Variants in GIMD1 observed in about 807,000 individuals in gnomAD.
GIMD1 encodes the protein GIMAP family P-loop NTPase domain containing 1.
A neutral mutation model predicts 14.9 loss-of-function variants in GIMD1; 14 were observed. The ratio of observed to expected loss-of-function variants is 0.94; its 90% CI spans 0.62 to 1.47. GIMD1 has a LOEUF of 1.47. Among genes scored for constraint, GIMD1 ranks in the 40% most tolerant of loss-of-function variants. The probability of loss-of-function intolerance (pLI) is 0.00; values close to 1 mark genes in which losing one functional copy is unlikely to be tolerated. For synonymous variants in GIMD1, 91 were observed against 90.5 expected (o/e 1.01, Z -0.03); for missense variants, 272 against 255.3 (o/e 1.07, Z -0.44).
intron 2 of GIMD1, among the ~76,000 whole-genome samples, chr4:106,362,625 A>AATCATAGC: frequency 6.6e-6 from 1 of 152,208 alleles, no homozygotes; most frequent in South Asian, 2.1e-4. Flanking sequence ...TGGTTGATGA[A>AATCATAGC]ATCATAGCAT....
chr4:106,359,056 C>T (rs776401454), intron 2 of GIMD1, among the ~76,000 whole-genome samples: 1 of 151,832 alleles, frequency 6.6e-6, no homozygotes, highest in Non-Finnish European at 1.5e-5. Flanking sequence ...TGATGACTTC[C>T]TCTAATGTGG....
At chr4:106,364,035 A>T (rs981411503) in intron 2 of GIMD1, among the ~76,000 whole-genome samples, 8 of 152,142 alleles carry the variant, frequency 5.3e-5, no homozygotes, top group African/African-American at 1.9e-4. Flanking sequence ...ATGAGATTCC[A>T]GATAATATTT....
chr4:106,360,467 A>G (rs913770655), intron 2 of GIMD1, among the ~76,000 whole-genome samples: 1 of 152,022 alleles, frequency 6.6e-6, no homozygotes, highest in Admixed American at 6.6e-5. Context: ...AGACCTCTTT[A>G]GAGTTTGTTG....
In GIMD1 at chr4:106,358,266, G is replaced by C; in HGVS notation, c.571C>G (p.Leu191Val). The change falls in exon 3 of 3, where the codon CTC (leucine) becomes GTC (valine). Residue 191 changes from leucine (L) to valine (V), a missense_variant. Physicochemically the swap from Leu to Val is conservative, Grantham distance 32. Transcript: ENST00000638719. ...AAGATTTTCATTCTTTGTTCATTGA[G>C]TGATTTTCCTTTTTTGTACTGGAAA... ...YVFQYKKGKS[L>V]NEQRMKILER... The C allele has an allele frequency of 1.3e-6, 2 of 1,528,306 alleles. No homozygotes were observed. Among genetic ancestry groups the C allele is most frequent in the Admixed American group, 2.0e-5 (1 of 50,610 alleles). The allele number at this position is 1,528,306 out of a possible 1,614,324, so 94.7% of individuals were successfully genotyped here.
At chr4:106,363,853 T>C (rs1420119600) in intron 2 of GIMD1, among the ~76,000 whole-genome samples, 2 of 135,370 alleles carry the variant, frequency 1.5e-5, no homozygotes, top group East Asian at 2.6e-4. Context: ...GAAACTTGCT[T>C]GTACGCAGTA....
At chr4:106,368,002 T>C (rs527774439) in intron 1 of GIMD1, among the ~76,000 whole-genome samples, 6 of 152,306 alleles carry the variant, frequency 3.9e-5, no homozygotes, top group African/African-American at 1.4e-4. Context: ...TTCTTTCCTA[T>C]GAAATATGAA....
In GIMD1 at chr4:106,367,451, A is replaced by C; in HGVS notation, c.-2-14T>G. 1 of 1,515,180 alleles carries C rather than the reference A, an allele frequency of 6.6e-7. No homozygotes were observed. The highest frequency in any genetic ancestry group is 8.8e-7 in the Non-Finnish European group (1 of 1,134,370). 93.9% of individuals were successfully genotyped at this position (1,515,180 alleles called of 1,614,324 possible). On this transcript the variant is annotated splice_polypyrimidine_tract_variant and intron_variant, in intron 1 of 2. Coordinates refer to ENST00000638719, the MANE Select transcript of GIMD1 (RefSeq NM_001195138.2). ...GGTCTGTCATGGCTGTAGGAAAACAAAGGCATAGCACGCATAATTAGGCTT... is the reference window on the plus strand; with the variant it reads ...GGTCTGTCATGGCTGTAGGAAAACACAGGCATAGCACGCATAATTAGGCTT...
At chr4:106,363,114 C>T (rs1227238232) in intron 2 of GIMD1, among the ~76,000 whole-genome samples, 1 of 152,048 alleles carries the variant, frequency 6.6e-6, no homozygotes, top group African/African-American at 2.4e-5. Flanking sequence ...TGATTTTACT[C>T]TTATTTTCTT....
intron 2 of GIMD1, among the ~76,000 whole-genome samples, chr4:106,361,919 G>T (rs528646410): frequency 6.6e-6 from 1 of 152,158 alleles, no homozygotes; most frequent in African/African-American, 2.4e-5. Flanking sequence ...TTCTTTCTAG[G>T]TTAGTACTTA....
chr4:106,358,574 T>C (rs939347144), intron 2 of GIMD1, 131 bp from the exon 3 acceptor site: 42 of 651,720 alleles, frequency 6.4e-5, no homozygotes, highest in Non-Finnish European at 6.0e-5. Flanking sequence ...TGATATACAA[T>C]GTAGGAAATG....
chr4:106,363,588 A>AGAACT (rs1455035746), intron 2 of GIMD1, among the ~76,000 whole-genome samples: 3 of 152,164 alleles, frequency 2.0e-5, no homozygotes, highest in Non-Finnish European at 4.4e-5. Flanking sequence ...TATAATGCTC[A>AGAACT]GAACTCTTAA....
intron 2 of GIMD1, 87 bp downstream of exon 2, chr4:106,366,956 A>ATT (rs1192144571): frequency 1.3e-4 from 47 of 349,886 alleles, no homozygotes; most frequent in Non-Finnish European, 1.6e-4. Flanking sequence ...TAATAATAAT[A>ATT]ATATTATTAT....
rs907198409 is a variant in GIMD1 at position 106,368,776 on chromosome 4, T to A, written c.-69A>T. ...TCGCCCTGGCACAGTTGTTCTTTCATATGAACTTTCACCTTCTGATAGCGT... is the reference window on the plus strand; with the variant it reads ...TCGCCCTGGCACAGTTGTTCTTTCAAATGAACTTTCACCTTCTGATAGCGT... On this transcript the variant is annotated 5_prime_UTR_variant, in exon 1 of 3. It removes an upstream start codon present in the reference 5' UTR. Coordinates refer to ENST00000638719, the MANE Select transcript of GIMD1 (RefSeq NM_001195138.2). 43 of 398,384 alleles carry A rather than the reference T, an allele frequency of 1.1e-4. No homozygotes were observed. Among genetic ancestry groups the A allele is most frequent in the Non-Finnish European group, 9.3e-5 (21 of 225,986 alleles). 24.7% of individuals were successfully genotyped at this position (398,384 alleles called of 1,614,324 possible). A position where few individuals can be genotyped will look rare whatever the true frequency, so the allele number is the denominator to read the frequency against.
At chr4:106,363,207 C>T (rs1039061735) in intron 2 of GIMD1, among the ~76,000 whole-genome samples, 1 of 152,058 alleles carries the variant, frequency 6.6e-6, no homozygotes, top group Non-Finnish European at 1.5e-5. Flanking sequence ...ATAATAATGG[C>T]CAGAGCTATT....
At chr4:106,367,476 T>C (rs1461487910) in intron 1 of GIMD1, 39 bp from the exon 2 acceptor site, 11 of 1,467,382 alleles carry the variant, frequency 7.5e-6, no homozygotes, top group South Asian at 2.7e-5. Context: ...TAATTAGGCT[T>C]CTACATTCCC....
chr4:106,358,672 C>G (rs148730026), intron 2 of GIMD1, among the ~76,000 whole-genome samples: 1 of 151,800 alleles, frequency 6.6e-6, no homozygotes, highest in East Asian at 1.9e-4. Flanking sequence ...TAAATTCTCT[C>G]TTTTATTTTA....
At chr4:106,364,478 T>G (rs1276620651) in intron 2 of GIMD1, among the ~76,000 whole-genome samples, 1 of 152,158 alleles carries the variant, frequency 6.6e-6, no homozygotes, top group African/African-American at 2.4e-5. Flanking sequence ...ATTCAGACAC[T>G]CTGCAACAGC....
At chr4:106,364,198 T>C (rs1770658481) in intron 2 of GIMD1, among the ~76,000 whole-genome samples, 1 of 152,100 alleles carries the variant, frequency 6.6e-6, no homozygotes, top group African/African-American at 2.4e-5. Context: ...ATATAACTCC[T>C]CTGCAAAATA....
At chr4:106,368,259 C>A (rs1207170231) in intron 1 of GIMD1, among the ~76,000 whole-genome samples, 1 of 152,070 alleles carries the variant, frequency 6.6e-6, no homozygotes, top group East Asian at 1.9e-4. Context: ...GTACAGTGGC[C>A]GATCCTTTGT....
Sources: allele counts gnomAD v4.1 joint callset (sites outside exome capture counted in the v4.1 genomes callset), GRCh38; gene constraint gnomAD v4.1.1; transcripts MANE v1.5; gene names NCBI Gene and HGNC (gene_info 2026-07-23, HGNC 2026-07-21).